The following MEF2C variants were observed in gnomAD, a reference collection of about 807,000 sequenced individuals.
The protein encoded by MEF2C is myocyte enhancer factor 2C.
A neutral mutation model predicts 50.5 loss-of-function variants in MEF2C; 6 were observed. The observed-to-expected ratio is 0.12, with a 90% CI of 0.07 to 0.23. MEF2C has a LOEUF of 0.23. MEF2C is among the 10% of genes least tolerant of loss of function. The probability of loss-of-function intolerance (pLI) is 1.00; values close to 1 mark genes in which losing one functional copy is unlikely to be tolerated. For missense variants in MEF2C, 276 were observed against 605.0 expected (o/e 0.46, Z 5.70); for synonymous variants, 183 against 228.0 (o/e 0.80, Z 1.78).
chr5:88,733,064 C>A (rs888226859), intron 6 of MEF2C: 1 of 984,664 alleles, frequency 1.0e-6, no homozygotes, highest in Non-Finnish European at 1.2e-6. Flanking sequence ...AACATAAAGA[C>A]CAATACAAGG....
At position 88,801,344 on chromosome 5, in the gene MEF2C, T is replaced by G. The variant is rs188236283; in HGVS notation, c.258+3254A>C. On this transcript the variant is annotated intron_variant, in intron 3 of 10. Coordinates refer to ENST00000504921, the MANE Select transcript of MEF2C (RefSeq NM_002397.5). Reference sequence around the variant, plus strand: ...GATTTAAAATTTTACCCAGGAGCAGTAAACAATCTTAACTTTTGACTTTAT... The same window carrying G: ...GATTTAAAATTTTACCCAGGAGCAGGAAACAATCTTAACTTTTGACTTTAT... Among the ~76,000 whole-genome samples, 167 of 152,300 alleles carry G rather than the reference T, an allele frequency of 1.1e-3. 4 individuals are homozygous for G. The highest frequency in any genetic ancestry group is 9.9e-3 in the Admixed American group (152 of 15,300).
intron 9 of MEF2C, 96 bp downstream of exon 9, chr5:88,729,122 A>C: frequency 6.8e-7 from 1 of 1,476,594 alleles, no homozygotes; most frequent in South Asian, 1.2e-5. Context: ...GCAGGCCCTA[A>C]ATAAAGCTTC....
chr5:88,893,450 T>C (rs1834806429), intron 1 of MEF2C, among the ~76,000 whole-genome samples: 1 of 152,148 alleles, frequency 6.6e-6, no homozygotes, highest in East Asian at 1.9e-4. Context: ...CTTGAACTCC[T>C]GACCTGAGGT....
intron 1 of MEF2C, chr5:88,825,685 T>C: frequency 4.2e-6 from 4 of 943,042 alleles, no homozygotes; most frequent in African/African-American, 3.5e-5. Flanking sequence ...TGTCACTCAA[T>C]GGGGCAACTT....
At chr5:88,863,416 A>G (rs1031683277) in intron 1 of MEF2C, among the ~76,000 whole-genome samples, 1 of 152,214 alleles carries the variant, frequency 6.6e-6, no homozygotes, top group Admixed American at 6.5e-5. Flanking sequence ...TAGACATTTT[A>G]TTGGCAGAGC....
At chr5:88,805,823 CTTTTTTTTTTTTTTTT>C (rs869224140) in intron 2 of MEF2C, among the ~76,000 whole-genome samples, 6 of 61,554 alleles carry the variant, frequency 9.7e-5, no homozygotes, top group African/African-American at 1.2e-4. Context: ...CGTGAACATT[CTTTTTTTTTTTTTTTT>C]TTTTTTTTTT....
intron 6 of MEF2C, chr5:88,741,152 T>A: frequency 1.0e-6 from 1 of 985,438 alleles, no homozygotes; most frequent in Non-Finnish European, 1.2e-6. Flanking sequence ...GCTGGACATC[T>A]CTGTGAAGCC....
intron 3 of MEF2C, among the ~76,000 whole-genome samples, chr5:88,800,005 G>A (rs1488148264): frequency 6.6e-6 from 1 of 152,000 alleles, no homozygotes; most frequent in African/African-American, 2.4e-5. Context: ...TTCTGCAGGA[G>A]TTACATCCAT....
At chr5:88,772,716 T>C in intron 3 of MEF2C, 5 of 984,896 alleles carry the variant, frequency 5.1e-6, no homozygotes, top group Non-Finnish European at 6.0e-6. Flanking sequence ...AAAATTGATT[T>C]CTCCCTCTTC....
In MEF2C at chr5:88,860,637, G is replaced by A. The variant is rs74366119; in HGVS notation, c.-143+22318C>T. Among the ~76,000 whole-genome samples the A allele has an allele frequency of 4.3e-3, 653 of 152,238 alleles. 33 individuals are homozygous for A. In the East Asian group the frequency reaches 0.11, roughly 25 times the overall value. ...CCGCTCAGCAGAGCCTAGCAGCTAT[G>A]ATCTGGAAGTGTTGGCCCCACCACA... On this transcript the variant is annotated intron_variant, in intron 1 of 10. Transcript: ENST00000504921.
chr5:88,729,343 T>C lies in MEF2C; in HGVS notation c.839A>G (p.Gln280Arg). 6.2e-7 allele frequency: 1 copy of C among 1,603,296 alleles called. No individual in the cohort carries two copies. Among genetic ancestry groups the C allele is most frequent in the Non-Finnish European group, 8.5e-7 (1 of 1,174,006 alleles). ...AGCCGACTGGGAGTTATTTATCCTT[T>C]GATTCTTTTAAAATAAATAAAAAGA... Reference protein sequence around the residue: ...VSEDVDLLLNQRINNSQSAQS... With the variant: ...VSEDVDLLLNRRINNSQSAQS... Residue 280 changes from glutamine (Q) to arginine (R), a missense_variant, in exon 9 of 11, where the codon CAA becomes CGA. Physicochemically the swap from Gln to Arg is conservative, Grantham distance 43 (BLOSUM62 1). Coordinates refer to ENST00000504921, the MANE Select transcript of MEF2C (RefSeq NM_002397.5).
upstream of MEF2C, chr5:88,883,306 GAGGAGGAGGAGGA>G (rs1393624851): frequency 6.5e-6 from 1 of 153,002 alleles, no homozygotes; most frequent in Admixed American, 6.6e-5. Flanking sequence ...CTCGGAAGAG[GAGGAGGAGGAGGA>G]AGAAGGAGGA....
chr5:88,725,857 G>C (rs1369462768), intron 10 of MEF2C, among the ~76,000 whole-genome samples: 6 of 152,110 alleles, frequency 3.9e-5, no homozygotes, highest in Admixed American at 3.9e-4. Flanking sequence ...GTTGACGTAT[G>C]GAAATGCTTC....
chr5:88,830,890 T>C (rs1032080252), intron 1 of MEF2C, among the ~76,000 whole-genome samples: 4 of 152,092 alleles, frequency 2.6e-5, no homozygotes, highest in Admixed American at 6.6e-5. Context: ...AGTAAGCACA[T>C]GCAGCTGGAT....
chr5:88,736,800 A>T (rs1335250332), intron 6 of MEF2C: 2 of 985,240 alleles, frequency 2.0e-6, no homozygotes, highest in Non-Finnish European at 2.4e-6. Context: ...CTATCTATGA[A>T]ACCTAATTTC....
chr5:88,835,226 A>T (rs1433687458), intron 1 of MEF2C, among the ~76,000 whole-genome samples: 1 of 152,228 alleles, frequency 6.6e-6, no homozygotes, highest in African/African-American at 2.4e-5. Flanking sequence ...ACTTTTTAAA[A>T]TTTGAGAAAA....
In MEF2C at chr5:88,730,247, G is replaced by A. The variant is rs201988423; in HGVS notation, c.811-13C>T. 347 of 1,571,120 alleles carry A rather than the reference G, an allele frequency of 2.2e-4. No homozygotes were observed. The African/African-American group carries it at 3.6e-3, about 17-fold the overall frequency. ...CGACATCCTCAGACTGAGAGCATGC[G>A]GAAGGAGTTTTATTAATTAGTGTCC... On this transcript the variant is annotated splice_polypyrimidine_tract_variant and intron_variant, in intron 7 of 10. Transcript: ENST00000504921.
At chr5:88,845,092 C>T (rs1350690805) in intron 1 of MEF2C, among the ~76,000 whole-genome samples, 3 of 152,184 alleles carry the variant, frequency 2.0e-5, no homozygotes, top group South Asian at 4.1e-4. Flanking sequence ...TACTAAAAAA[C>T]GTCAAGGACC....
At chr5:88,857,349 T>A (rs1234625668) in intron 1 of MEF2C, among the ~76,000 whole-genome samples, 1 of 152,176 alleles carries the variant, frequency 6.6e-6, no homozygotes, top group Non-Finnish European at 1.5e-5. Flanking sequence ...TGGAACTAAC[T>A]AACATGCTTT....
Sources: allele counts gnomAD v4.1 joint callset (sites outside exome capture counted in the v4.1 genomes callset), GRCh38; gene constraint gnomAD v4.1.1; transcripts MANE v1.5; gene names NCBI Gene and HGNC (gene_info 2026-07-23, HGNC 2026-07-21).